The following EYS variants were observed in gnomAD, a reference collection of about 807,000 sequenced individuals.
EYS encodes protein eyes shut homolog.
In EYS, 250 loss-of-function variants were observed where a neutral mutation model predicts 282.1. The observed-to-expected ratio is 0.89, with a 90% CI of 0.80 to 0.98. The LOEUF (loss-of-function observed/expected upper bound fraction) is 0.98, where lower values mean the gene tolerates loss of function less well. EYS is among the 50% of genes least tolerant of loss of function. The pLI is 0.00. For synonymous variants in EYS, 1,355 were observed against 1,282.9 expected, an observed-to-expected ratio of 1.06 and a Z score of -1.20; for missense variants, 4,016 against 3,709.0, an observed-to-expected ratio of 1.08 and a Z score of -2.15.
intron 12 of EYS, among the ~76,000 whole-genome samples, chr6:65,258,801 TAAAGTA>T (rs956976509): frequency 2.0e-5 from 3 of 152,098 alleles, no homozygotes; most frequent in Non-Finnish European, 2.9e-5. Flanking sequence ...GGCTGAAAGT[TAAAGTA>T]AAATTTTCTG....
intron 22 of EYS, among the ~76,000 whole-genome samples, chr6:64,732,021 T>A (rs1771986714): frequency 6.6e-6 from 1 of 152,116 alleles, no homozygotes; most frequent in Non-Finnish European, 1.5e-5. Context: ...GTGACATGGA[T>A]GAAGGTGGAA....
At chr6:64,787,249 T>G (rs375106845) in intron 22 of EYS, among the ~76,000 whole-genome samples, 1 of 152,248 alleles carries the variant, frequency 6.6e-6, no homozygotes, top group East Asian at 1.9e-4. Context: ...GTTTTATCAC[T>G]TGCATTTTCA....
At chr6:64,616,413 A>G (rs1157507133) in intron 24 of EYS, among the ~76,000 whole-genome samples, 4 of 152,130 alleles carry the variant, frequency 2.6e-5, no homozygotes, top group East Asian at 1.9e-4. Context: ...AGAAAGGAAG[A>G]TATCTGTTTG....
intron 15 of EYS, among the ~76,000 whole-genome samples, chr6:64,929,522 T>A (rs1353780347): frequency 6.6e-6 from 1 of 152,162 alleles, no homozygotes. Flanking sequence ...TTTGTGCTAC[T>A]GTTATCAAAA....
chr6:64,716,792 A>G (rs1326278090), intron 22 of EYS, among the ~76,000 whole-genome samples: 6 of 152,088 alleles, frequency 3.9e-5, no homozygotes, highest in South Asian at 4.1e-4. Flanking sequence ...AAAAACTCCA[A>G]AGGCTTGTAT....
intron 26 of EYS, among the ~76,000 whole-genome samples, chr6:64,453,799 T>C (rs183764784): frequency 5.7e-4 from 87 of 152,080 alleles, no homozygotes; most frequent in African/African-American, 1.9e-3. Flanking sequence ...TAGGTGGGAA[T>C]TGAACAATGA....
chr6:63,908,043 T>TATATATATAC (rs1318760852), intron 35 of EYS, among the ~76,000 whole-genome samples: 32 of 41,502 alleles, frequency 7.7e-4, no homozygotes, highest in African/African-American at 6.1e-3. Context: ...CGTTTGTGTG[T>TATATATATAC]GTGTGTGTGT....
chr6:64,213,363 G>A (rs1765838196), intron 31 of EYS, among the ~76,000 whole-genome samples: 1 of 152,140 alleles, frequency 6.6e-6, no homozygotes, highest in African/African-American at 2.4e-5. Context: ...CTCTGCTTTA[G>A]TGATAGATGA....
chr6:65,492,584 A>G (rs1766089533), intron 4 of EYS, among the ~76,000 whole-genome samples: 1 of 152,204 alleles, frequency 6.6e-6, no homozygotes, highest in Non-Finnish European at 1.5e-5. Context: ...GATGCTTTAA[A>G]GACTGTCTAT....
At chr6:64,009,677 C>T (rs1768515041) in intron 33 of EYS, among the ~76,000 whole-genome samples, 1 of 152,054 alleles carries the variant, frequency 6.6e-6, no homozygotes, top group South Asian at 2.1e-4. Context: ...TGACTTTGTT[C>T]TGAATCTTGA....
chr6:64,569,719 C>T (rs1001195532), intron 26 of EYS, among the ~76,000 whole-genome samples: 3 of 151,104 alleles, frequency 2.0e-5, no homozygotes, highest in Admixed American at 6.6e-5. Flanking sequence ...CCAGCCTGGG[C>T]GACAGAGTGA....
chr6:64,610,216 G>A (rs1165836066), intron 24 of EYS, among the ~76,000 whole-genome samples: 1 of 151,894 alleles, frequency 6.6e-6, no homozygotes, highest in Non-Finnish European at 1.5e-5. Flanking sequence ...ACTTTTTTGA[G>A]TCAATATATG....
intron 2 of EYS, among the ~76,000 whole-genome samples, chr6:65,498,540 T>C (rs1766332879): frequency 6.6e-6 from 1 of 152,008 alleles, no homozygotes; most frequent in Non-Finnish European, 1.5e-5. Flanking sequence ...GCTAATCCCA[T>C]GGTTCTTAGA....
At chr6:65,095,085 A>G (rs936351258) in intron 12 of EYS, among the ~76,000 whole-genome samples, 2 of 151,310 alleles carry the variant, frequency 1.3e-5, no homozygotes, top group Non-Finnish European at 3.0e-5. Flanking sequence ...TGGATAACCT[A>G]AAAGAAATGT....
intron 28 of EYS, among the ~76,000 whole-genome samples, chr6:64,425,227 A>G (rs1439316181): frequency 2.0e-5 from 3 of 152,192 alleles, no homozygotes. Flanking sequence ...TTTTCAGAGT[A>G]CAAGTAAGCC....
intron 1 of EYS, among the ~76,000 whole-genome samples, chr6:65,667,109 T>C (rs1768227978): frequency 6.6e-6 from 1 of 151,856 alleles, no homozygotes; most frequent in South Asian, 2.1e-4. Flanking sequence ...AAACACAGAA[T>C]TAATCTCTTG....
At chr6:64,780,335 G>A (rs1773820015) in intron 22 of EYS, among the ~76,000 whole-genome samples, 1 of 152,124 alleles carries the variant, frequency 6.6e-6, no homozygotes, top group Admixed American at 6.6e-5. Context: ...TGGTAGATGG[G>A]ATTTTTAAAC....
At chr6:65,348,242 T>G in intron 9 of EYS, among the ~76,000 whole-genome samples, 1 of 151,764 alleles carries the variant, frequency 6.6e-6, no homozygotes. Flanking sequence ...CATTTGAGTA[T>G]ATACCTAGCA....
intron 29 of EYS, among the ~76,000 whole-genome samples, chr6:64,331,341 A>G (rs1770638649): frequency 6.6e-6 from 1 of 152,206 alleles, no homozygotes; most frequent in Non-Finnish European, 1.5e-5. Flanking sequence ...GCAGTCATCT[A>G]TTGCAAAGGG....
Sources: allele counts gnomAD v4.1 joint callset (sites outside exome capture counted in the v4.1 genomes callset), GRCh38; gene constraint gnomAD v4.1.1; transcripts MANE v1.5; gene names NCBI Gene and HGNC (gene_info 2026-07-23, HGNC 2026-07-21).